The following TLN2 variants were observed in gnomAD, a reference collection of about 807,000 sequenced individuals.
TLN2 encodes the protein talin-2.
A neutral mutation model predicts 294.7 loss-of-function variants in TLN2; 118 were observed. That is an observed-to-expected ratio of 0.40 (90% confidence interval 0.34 to 0.47). TLN2 has a LOEUF of 0.47. Among genes scored for constraint, TLN2 ranks in the 20% least tolerant of loss-of-function variants. TLN2 has a pLI of 0.84. For missense variants in TLN2, 3,083 were observed against 3,282.2 expected (o/e 0.94, Z 1.48); for synonymous variants, 1,431 against 1,304.5 (o/e 1.10, Z -2.09).
intron 19 of TLN2, among the ~76,000 whole-genome samples, chr15:62,705,524 A>G (rs549787470): frequency 1.5e-3 from 233 of 152,314 alleles, no homozygotes; most frequent in Non-Finnish European, 2.7e-3. Context: ...TAATAAGAGG[A>G]ACAGGATTTC....
intron 1 of TLN2, among the ~76,000 whole-genome samples, chr15:62,461,836 G>A (rs1278784645): frequency 1.2e-4 from 18 of 152,344 alleles, no homozygotes; most frequent in South Asian, 6.2e-4. Context: ...CCTGGTGAGC[G>A]CAGAGTGACC....
chr15:62,581,806 G>A (rs1358987275), intron 1 of TLN2, among the ~76,000 whole-genome samples: 1 of 152,132 alleles, frequency 6.6e-6, no homozygotes, highest in Non-Finnish European at 1.5e-5. Context: ...CACTTTGGGA[G>A]GCCGAGGCAG....
Position 62,752,311 on chromosome 15 carries a change from G to A in TLN2, c.4216G>A (p.Gly1406Ser). Reference protein sequence around the residue: ...ESVMENSKVLGESMAGISQNA... With the variant: ...ESVMENSKVLSESMAGISQNA... ...CTGGCCGTTTGTTTTGCAGGTTCTG[G>A]GTGAATCGATGGCAGGGATTTCACA... Residue 1406 changes from glycine (G) to serine (S), a missense_variant, in exon 35 of 59, where the codon GGT becomes AGT. Transcript: ENST00000636159. 1 of 1,614,106 alleles carries A rather than the reference G, an allele frequency of 6.2e-7. No individual in the cohort carries two copies. The highest frequency in any genetic ancestry group is 1.1e-5 in the South Asian group (1 of 91,068).
rs1181016961 is a variant in TLN2 at position 62,740,645 on chromosome 15, A to T, written c.3901A>T (p.Ile1301Phe). The change falls in exon 32 of 59, where the codon ATC (isoleucine) becomes TTC (phenylalanine). Residue 1301 changes from isoleucine to phenylalanine, a missense_variant. By Grantham distance (21) the Ile-to-Phe change is conservative. Transcript: ENST00000636159. ...GACCTTCCAGACAAAAGAAGACCAG[A>T]TCCAAGTGATAGGGAACCTCAAGAA... Reference protein sequence around the residue: ...AGQAQTKEDQIQVIGNLKNIS... With the variant: ...AGQAQTKEDQFQVIGNLKNIS... The T allele has an allele frequency of 3.7e-6, 6 of 1,614,086 alleles. No homozygotes were observed. Among genetic ancestry groups the T allele is most frequent in the Non-Finnish European group, 5.1e-6 (6 of 1,180,050 alleles).
chr15:62,486,384 G>T (rs950948662), intron 1 of TLN2, among the ~76,000 whole-genome samples: 6 of 150,932 alleles, frequency 4.0e-5, no homozygotes, highest in African/African-American at 1.5e-4. Flanking sequence ...ATTCAATCCA[G>T]GATTACGCAG....
chr15:62,647,022 C>T (rs1036424254), intron 3 of TLN2, among the ~76,000 whole-genome samples: 2 of 152,182 alleles, frequency 1.3e-5, no homozygotes, highest in Admixed American at 6.5e-5. Flanking sequence ...TCTGGAGCTC[C>T]CTCCTCCTAA....
At chr15:62,673,524 TTG>T (rs2055744422) in intron 9 of TLN2, among the ~76,000 whole-genome samples, 1 of 150,256 alleles carries the variant, frequency 6.7e-6, no homozygotes, top group Non-Finnish European at 1.5e-5. Context: ...AATATTTCCT[TTG>T]TTTCTTACAA....
intron 57 of TLN2, 26 bp from the exon 58 acceptor site, chr15:62,838,830 T>C (rs780870369): frequency 6.2e-6 from 10 of 1,611,436 alleles, no homozygotes; most frequent in East Asian, 2.2e-5. Flanking sequence ...TCTAATGATA[T>C]AATGTATGTT....
chr15:62,450,706 C>G (rs951142061), intron 1 of TLN2, among the ~76,000 whole-genome samples: 10 of 152,048 alleles, frequency 6.6e-5, no homozygotes, highest in Admixed American at 6.6e-4. Context: ...TCCTGAGTAG[C>G]TGAGTACTAG....
intron 1 of TLN2, among the ~76,000 whole-genome samples, chr15:62,447,639 A>AG (rs1275708235): frequency 1.3e-5 from 2 of 151,646 alleles, no homozygotes; most frequent in Non-Finnish European, 2.9e-5. Context: ...GACTGTGGGC[A>AG]CCCGCCACCA....
chr15:62,697,774 C>G lies in TLN2; in HGVS notation c.1379C>G (p.Ser460Cys). The change falls in exon 15 of 59, where the codon TCC becomes TGC. Residue 460 changes from serine (S) to cysteine (C), a missense_variant. By Grantham distance (112) the Ser-to-Cys change is moderately radical (BLOSUM62 -1). Coordinates refer to ENST00000636159, the MANE Select transcript of TLN2 (RefSeq NM_015059.3). ...VALPAVMRSG[S>C]SGPETFNVGS... ...CTGCCGGCCGTGATGCGCTCGGGCT[C>G]CAGCGGGCCTGAGACCTTCAACGTT... is the stretch of plus-strand genomic sequence containing the variant. 6.2e-7 allele frequency: 1 copy of G among 1,612,566 alleles called. No homozygotes were observed. Among genetic ancestry groups the G allele is most frequent in the South Asian group, 1.1e-5 (1 of 90,968 alleles).
intron 42 of TLN2, 40 bp downstream of exon 42, chr15:62,771,174 A>G (rs1258116756): frequency 6.5e-7 from 1 of 1,540,956 alleles, no homozygotes; most frequent in Non-Finnish European, 8.8e-7. Context: ...AGGACCACTA[A>G]GAAGCCATCA....
At chr15:62,518,797 CGTGT>C (rs143382865) in intron 1 of TLN2, among the ~76,000 whole-genome samples, 12,019 of 152,072 alleles carry the variant, frequency 0.079, 541 homozygotes, top group Non-Finnish European at 0.1. Context: ...AGAGTTTCAC[CGTGT>C]TGGCCTGGCT....
At chr15:62,639,357 A>G (rs893197620) in intron 3 of TLN2, among the ~76,000 whole-genome samples, 1 of 152,134 alleles carries the variant, frequency 6.6e-6, no homozygotes, top group Non-Finnish European at 1.5e-5. Flanking sequence ...GCAGCCCTGG[A>G]AGCCAGCAAC....
At chr15:62,735,754 C>T (rs4775533) in intron 28 of TLN2, among the ~76,000 whole-genome samples, 38,736 of 151,958 alleles carry the variant, frequency 0.25, 5,111 homozygotes, top group African/African-American at 0.32. Context: ...GAAGTGATCC[C>T]ATATGGCCAC....
At position 62,787,483 on chromosome 15, in the gene TLN2, T is replaced by G. The variant is rs146803025; in HGVS notation, c.5736+3593T>G. ...GAGATGATTTTCTCCATTTTACTTTTATTTCGACAAAAAAAGAATTGAGGG... is the reference window on the plus strand; with the variant it reads ...GAGATGATTTTCTCCATTTTACTTTGATTTCGACAAAAAAAGAATTGAGGG... On this transcript the variant is annotated intron_variant, in intron 45 of 58. Transcript: ENST00000636159. Among the ~76,000 whole-genome samples, 509 of 152,222 alleles carry G rather than the reference T, an allele frequency of 3.3e-3. 4 individuals carry two copies. The highest frequency in any genetic ancestry group is 5.9e-3 in the Non-Finnish European group (398 of 68,000).
chr15:62,503,134 T>G (rs996121322), intron 1 of TLN2, among the ~76,000 whole-genome samples: 3 of 152,218 alleles, frequency 2.0e-5, no homozygotes, highest in African/African-American at 7.2e-5. Context: ...GTTCCCTTTA[T>G]AGCCATTAAA....
rs1346937197 is a variant in TLN2 at position 62,491,347 on chromosome 15, TATATACACAC to T, written c.-237-98338_-237-98329del. On this transcript the variant is annotated intron_variant, in intron 1 of 58. Transcript: ENST00000636159. ...GTCTCAAAAAAAAAAAATATATATATATATACACACACACACACACACACACACACACACA... is the reference window on the plus strand; with the variant it reads ...GTCTCAAAAAAAAAAAATATATATATACACACACACACACACACACACACA... 8.2e-3 allele frequency among the ~76,000 whole-genome samples: 671 copies of T among 82,262 alleles called. 6 individuals are homozygous for T. The East Asian group carries it at 0.083, about 10-fold the overall frequency. The allele number at this position is 82,262 out of a possible 152,430, so 54.0% of individuals were successfully genotyped here. A position where few individuals can be genotyped will look rare whatever the true frequency, so the allele number is the denominator to read the frequency against.
rs2070988288 is a variant in TLN2 at position 62,844,254 on chromosome 15, T to A, written c.*3644T>A. ...TCCTCAGTCTGTTGCTCCATCTTTC[T>A]GAGCCTCTGCTTGGTATGTCATGTT... On this transcript the variant is annotated 3_prime_UTR_variant, in exon 59 of 59. Coordinates refer to ENST00000636159, the MANE Select transcript of TLN2 (RefSeq NM_015059.3). The A allele has an allele frequency of 1.3e-5, 2 of 152,216 alleles. No homozygotes were observed. Among genetic ancestry groups the A allele is most frequent in the Non-Finnish European group, 2.9e-5 (2 of 68,128 alleles). 9.4% of individuals were successfully genotyped at this position (152,216 alleles called of 1,614,324 possible).
Sources: allele counts gnomAD v4.1 joint callset (sites outside exome capture counted in the v4.1 genomes callset), GRCh38; gene constraint gnomAD v4.1.1; transcripts MANE v1.5; gene names NCBI Gene and HGNC (gene_info 2026-07-23, HGNC 2026-07-21).